GRIK3: variants seen among roughly 807,000 people sequenced by gnomAD.
GRIK3 encodes glutamate receptor ionotropic, kainate 3.
A neutral mutation model predicts 102.5 loss-of-function variants in GRIK3; 29 were observed. The observed-to-expected ratio is 0.28, with a 90% CI of 0.21 to 0.39. The LOEUF is 0.39. Ranked by LOEUF, GRIK3 falls within the 10% of genes least tolerant of loss-of-function variation. The pLI, the probability that GRIK3 is intolerant of heterozygous loss-of-function variation, is 1.00. For synonymous variants in GRIK3, 511 were observed against 504.9 expected (o/e 1.01, Z -0.16); for missense variants, 908 against 1,252.4 (o/e 0.73, Z 4.15).
chr1:36,847,595 T>C (rs1204848978), intron 9 of GRIK3, among the ~76,000 whole-genome samples: 1 of 152,174 alleles, frequency 6.6e-6, no homozygotes, highest in Non-Finnish European at 1.5e-5. Flanking sequence ...TCAATAATAA[T>C]GAATAACAAT....
intron 10 of GRIK3, among the ~76,000 whole-genome samples, chr1:36,827,021 TC>T (rs1168684236): frequency 6.6e-6 from 1 of 152,134 alleles, no homozygotes; most frequent in East Asian, 1.9e-4. Flanking sequence ...GATGTCCTCT[TC>T]TTATAGTCTC....
At chr1:36,943,118 G>A (rs555658069) in intron 1 of GRIK3, among the ~76,000 whole-genome samples, 65 of 150,668 alleles carry the variant, frequency 4.3e-4, no homozygotes, top group Admixed American at 1.3e-3. Flanking sequence ...GGCATGAGGA[G>A]TTTAAGTAAC....
intron 1 of GRIK3, among the ~76,000 whole-genome samples, chr1:36,920,224 A>T (rs1641451705): frequency 6.6e-6 from 1 of 152,174 alleles, no homozygotes; most frequent in South Asian, 2.1e-4. Flanking sequence ...CTGGAACCAG[A>T]CTATTGTGGT....
chr1:36,827,434 G>A (rs1642767075), intron 10 of GRIK3, among the ~76,000 whole-genome samples: 1 of 152,130 alleles, frequency 6.6e-6, no homozygotes, highest in African/African-American at 2.4e-5. Context: ...GACCTTTCTG[G>A]CAAGGGGGGA....
chr1:36,877,106 G>A (rs1470242238), intron 3 of GRIK3, among the ~76,000 whole-genome samples: 2 of 152,168 alleles, frequency 1.3e-5, no homozygotes, highest in African/African-American at 4.8e-5. Flanking sequence ...TATAGTCAGA[G>A]CTAAAGGCAC....
At chr1:36,930,643 T>C (rs1641577164) in intron 1 of GRIK3, among the ~76,000 whole-genome samples, 1 of 152,172 alleles carries the variant, frequency 6.6e-6, no homozygotes, top group Non-Finnish European at 1.5e-5. Flanking sequence ...CCTTGAACTG[T>C]CCACAGGCCT....
chr1:37,020,324 C>T (rs1642696064), intron 1 of GRIK3, among the ~76,000 whole-genome samples: 1 of 152,174 alleles, frequency 6.6e-6, no homozygotes, highest in Non-Finnish European at 1.5e-5. Context: ...TTCCCATCAC[C>T]TGAATGAGGA....
intron 2 of GRIK3, among the ~76,000 whole-genome samples, chr1:36,881,783 G>C (rs1438048492): frequency 6.6e-6 from 1 of 152,134 alleles, no homozygotes; most frequent in African/African-American, 2.4e-5. Flanking sequence ...AGTCATAGCA[G>C]TGGCCAGAGA....
chr1:36,804,145 G>A (rs530894425), intron 15 of GRIK3, among the ~76,000 whole-genome samples: 1 of 152,172 alleles, frequency 6.6e-6, no homozygotes, highest in African/African-American at 2.4e-5. Context: ...AGGCTTGCTG[G>A]TTATAGAGGA....
chr1:36,829,611 G>A (rs555088576), intron 10 of GRIK3, among the ~76,000 whole-genome samples: 89 of 152,160 alleles, frequency 5.8e-4, no homozygotes, highest in Non-Finnish European at 1.1e-3. Flanking sequence ...GACCAGGCAG[G>A]ATGGTCTTCC....
At chr1:36,946,858 C>A (rs1641790353) in intron 1 of GRIK3, among the ~76,000 whole-genome samples, 1 of 152,160 alleles carries the variant, frequency 6.6e-6, no homozygotes, top group Admixed American at 6.5e-5. Context: ...TCCACCCCAA[C>A]AGGCTGTCAG....
intron 1 of GRIK3, among the ~76,000 whole-genome samples, chr1:36,915,642 T>C (rs1441965888): frequency 6.6e-6 from 1 of 152,108 alleles, no homozygotes; most frequent in Non-Finnish European, 1.5e-5. Context: ...TCCCGTGCTG[T>C]TTTCATGGTT....
intron 8 of GRIK3, among the ~76,000 whole-genome samples, chr1:36,851,515 A>T (rs1027890637): frequency 2.0e-5 from 3 of 152,266 alleles, no homozygotes; most frequent in African/African-American, 4.8e-5. Context: ...CGTGCCTAGC[A>T]GAGCACCTGG....
intron 5 of GRIK3, among the ~76,000 whole-genome samples, chr1:36,867,641 A>C (rs1640799636): frequency 6.6e-6 from 1 of 152,024 alleles, no homozygotes; most frequent in Non-Finnish European, 1.5e-5. Context: ...AGATGGATCC[A>C]ACACAGAATA....
At chr1:36,956,499 C>T (rs1641906765) in intron 1 of GRIK3, among the ~76,000 whole-genome samples, 1 of 152,180 alleles carries the variant, frequency 6.6e-6, no homozygotes, top group South Asian at 2.1e-4. Context: ...GGTGTGTGGG[C>T]AGCCAGGCTT....
At chr1:36,981,250 T>C (rs1642245115) in intron 1 of GRIK3, among the ~76,000 whole-genome samples, 1 of 152,150 alleles carries the variant, frequency 6.6e-6, no homozygotes, top group African/African-American at 2.4e-5. Flanking sequence ...TGGAAGCAAG[T>C]GGCTGGAGGG....
chr1:36,991,635 C>A (rs182349132), intron 1 of GRIK3, among the ~76,000 whole-genome samples: 7 of 152,354 alleles, frequency 4.6e-5, no homozygotes, highest in Admixed American at 3.3e-4. Context: ...TCATGTCTCA[C>A]TGACTCCAAA....
rs1181293467 is a variant in GRIK3, at chr1:36,800,918, G to T, written c.*933C>A. ...AGCCCAGGTTTCCAAATGTGAACAG[G>T]GTTTAGACAACAGCTTGCTAACCAG... is the stretch of plus-strand genomic sequence containing the variant. On this transcript the variant is annotated 3_prime_UTR_variant, in exon 16 of 16. Transcript: ENST00000373091. The T allele has an allele frequency of 1.3e-5, 2 of 152,188 alleles. No individual in the cohort carries two copies. Among genetic ancestry groups the T allele is most frequent in the Non-Finnish European group, 2.9e-5 (2 of 68,044 alleles). The allele number at this position is 152,188 out of a possible 1,614,324, so 9.4% of individuals were successfully genotyped here. A position where few individuals can be genotyped will look rare whatever the true frequency, so the allele number is the denominator to read the frequency against.
intron 1 of GRIK3, among the ~76,000 whole-genome samples, chr1:36,911,015 CCTGACCTGCTCGGAG>C (rs1641339914): frequency 6.6e-6 from 1 of 152,160 alleles, no homozygotes. Context: ...GGAGGCAGCA[CCTGACCTGCTCGGAG>C]CTGAGCTGTG....
Sources: gnomAD v4.1 joint callset for allele counts (sites outside exome capture counted in the v4.1 genomes callset) on GRCh38, gnomAD v4.1.1 for gene constraint, MANE v1.5 for transcripts, NCBI Gene and HGNC (gene_info 2026-07-23, HGNC 2026-07-21) for gene names.